The following FAM193A variants were observed in gnomAD, a reference collection of about 807,000 sequenced individuals.
The protein encoded by FAM193A is family with sequence similarity 193 member A, also known as protein FAM193A.
In FAM193A, 22 loss-of-function variants were observed where a neutral mutation model predicts 126.5. That is an observed-to-expected ratio of 0.17 (90% CI 0.12 to 0.25). FAM193A has a LOEUF of 0.25. Ranked by LOEUF, FAM193A falls within the 10% of genes least tolerant of loss-of-function variation. The pLI, the probability that FAM193A is intolerant of heterozygous loss-of-function variation, is 1.00. For synonymous variants in FAM193A, 761 were observed against 646.8 expected (o/e 1.18, Z -2.68); for missense variants, 1,675 against 1,672.8 (o/e 1.00, Z -0.02).
At chr4:2,657,357 T>C (rs1258103510) in intron 7 of FAM193A, among the ~76,000 whole-genome samples, 1 of 152,218 alleles carries the variant, frequency 6.6e-6, no homozygotes, top group Non-Finnish European at 1.5e-5. Context: ...TCCTAACTTC[T>C]TTGTTAGTTT....
chr4:2,577,427 T>TC (rs1187624136), intron 1 of FAM193A, among the ~76,000 whole-genome samples: 1 of 146,594 alleles, frequency 6.8e-6, no homozygotes, highest in Non-Finnish European at 1.5e-5. Context: ...TTTTTGTTTT[T>TC]TTTTTTTTTG....
intron 19 of FAM193A, among the ~76,000 whole-genome samples, chr4:2,712,804 T>TA (rs940382063): frequency 1.7e-4 from 26 of 150,400 alleles, no homozygotes; most frequent in African/African-American, 3.7e-4. Flanking sequence ...CTTTTTTATT[T>TA]AAAAAAAAAA....
intron 2 of FAM193A, among the ~76,000 whole-genome samples, chr4:2,602,818 G>A (rs1173521011): frequency 8.6e-5 from 13 of 150,542 alleles, no homozygotes; most frequent in Non-Finnish European, 1.9e-4. Context: ...CCACCACCAC[G>A]CCCGGCTAAT....
chr4:2,610,451 G>A (rs960466653), intron 2 of FAM193A, among the ~76,000 whole-genome samples: 1 of 152,190 alleles, frequency 6.6e-6, no homozygotes, highest in African/African-American at 2.4e-5. Flanking sequence ...CTTCATGAAA[G>A]TAGTTGCTAA....
At chr4:2,603,257 T>G (rs1471885882) in intron 2 of FAM193A, among the ~76,000 whole-genome samples, 1 of 148,184 alleles carries the variant, frequency 6.7e-6, no homozygotes. Context: ...TTGCTGGGAT[T>G]ATAGGTGTGA....
intron 2 of FAM193A, among the ~76,000 whole-genome samples, chr4:2,603,793 G>A (rs191290807): frequency 2.6e-5 from 4 of 151,892 alleles, no homozygotes; most frequent in African/African-American, 7.2e-5. Flanking sequence ...GTTTTCACCC[G>A]TGAATTATTT....
chr4:2,666,998 C>G (rs1415925027), intron 12 of FAM193A, among the ~76,000 whole-genome samples: 1 of 152,180 alleles, frequency 6.6e-6, no homozygotes, highest in Non-Finnish European at 1.5e-5. Flanking sequence ...TTTGCTTGCT[C>G]TTCCTTTTCT....
chr4:2,571,249 G>T (rs1160441760), intron 1 of FAM193A, among the ~76,000 whole-genome samples: 1 of 152,126 alleles, frequency 6.6e-6, no homozygotes, highest in Non-Finnish European at 1.5e-5. Flanking sequence ...GTCCTGAAGA[G>T]AACAGCTGTA....
intron 1 of FAM193A, among the ~76,000 whole-genome samples, chr4:2,577,826 C>T (rs1739696043): frequency 6.6e-6 from 1 of 152,046 alleles, no homozygotes; most frequent in Admixed American, 6.6e-5. Flanking sequence ...TTTTTCTTCC[C>T]TCAAAATAAT....
At chr4:2,641,015 C>G (rs1744566012) in intron 6 of FAM193A, among the ~76,000 whole-genome samples, 1 of 151,870 alleles carries the variant, frequency 6.6e-6, no homozygotes. Flanking sequence ...AATTGTTGTT[C>G]TGTTGACTAC....
At chr4:2,643,840 G>A (rs1276696489) in intron 6 of FAM193A, among the ~76,000 whole-genome samples, 1 of 152,158 alleles carries the variant, frequency 6.6e-6, no homozygotes, top group East Asian at 1.9e-4. Flanking sequence ...TAGGCGGGGG[G>A]TGTTTCTATC....
intron 12 of FAM193A, among the ~76,000 whole-genome samples, chr4:2,663,918 G>C (rs1195841838): frequency 1.3e-5 from 2 of 152,230 alleles, no homozygotes; most frequent in South Asian, 4.1e-4. Flanking sequence ...AGTGAGCCAA[G>C]ATTGCGCCAC....
At chr4:2,568,480 A>G (rs1739099238) in intron 1 of FAM193A, among the ~76,000 whole-genome samples, 1 of 152,308 alleles carries the variant, frequency 6.6e-6, no homozygotes, top group Non-Finnish European at 1.5e-5. Flanking sequence ...TGATTGTGTC[A>G]TTGCACTTCA....
intron 19 of FAM193A, among the ~76,000 whole-genome samples, chr4:2,705,657 A>T (rs1267167941): frequency 6.6e-6 from 1 of 151,834 alleles, no homozygotes; most frequent in African/African-American, 2.4e-5. Context: ...TGGTGCGGTC[A>T]TAGCTCACTG....
At chr4:2,635,774 G>A (rs963030485) in intron 5 of FAM193A, among the ~76,000 whole-genome samples, 1 of 152,192 alleles carries the variant, frequency 6.6e-6, no homozygotes, top group African/African-American at 2.4e-5. Context: ...CTGACCTCAG[G>A]TGATCTGCCC....
chr4:2,608,324 G>A (rs921069610), intron 2 of FAM193A, among the ~76,000 whole-genome samples: 1 of 151,930 alleles, frequency 6.6e-6, no homozygotes, highest in East Asian at 1.9e-4. Context: ...GACTACAGGT[G>A]CGCACCACCA....
intron 1 of FAM193A, among the ~76,000 whole-genome samples, chr4:2,559,955 T>C (rs1170421348): frequency 4.0e-5 from 6 of 151,200 alleles, no homozygotes; most frequent in African/African-American, 1.5e-4. Context: ...TTCTTTTCTT[T>C]TCTTTTTTCC....
intron 20 of FAM193A, among the ~76,000 whole-genome samples, chr4:2,724,029 CT>C (rs35528557): frequency 0.68 from 100,389 of 147,696 alleles, 34,610 homozygotes; most frequent in South Asian, 0.82. Flanking sequence ...AACAGAATGT[CT>C]TTTTTTTTTT....
At chr4:2,707,015 G>T (rs1056535682) in intron 19 of FAM193A, among the ~76,000 whole-genome samples, 1 of 151,872 alleles carries the variant, frequency 6.6e-6, no homozygotes, top group African/African-American at 2.4e-5. Flanking sequence ...CCAGCTGCTC[G>T]GGAGGCTGAG....
Sources: gnomAD v4.1 joint callset for allele counts (sites outside exome capture counted in the v4.1 genomes callset) on GRCh38, gnomAD v4.1.1 for gene constraint, MANE v1.5 for transcripts, NCBI Gene and HGNC (gene_info 2026-07-23, HGNC 2026-07-21) for gene names.